EPHA7: variants seen among roughly 807,000 people sequenced by gnomAD.
The protein encoded by EPHA7 is ephrin type-A receptor 7.
In EPHA7, 25 loss-of-function variants were observed where a neutral mutation model predicts 112.6. That is an observed-to-expected ratio of 0.22 (90% confidence interval 0.16 to 0.31). The LOEUF (loss-of-function observed/expected upper bound fraction) is 0.31, where lower values mean the gene tolerates loss of function less well. EPHA7 is among the 10% of genes least tolerant of loss of function. EPHA7 has a pLI of 1.00. For missense variants in EPHA7, 962 were observed against 1,212.6 expected (o/e 0.79, Z 3.07); for synonymous variants, 437 against 406.5 (o/e 1.07, Z -0.90).
chr6:93,419,525 C>A lies in EPHA7; in HGVS notation c.-184G>T, dbSNP rs528811483. On this transcript the variant is annotated 5_prime_UTR_variant, in exon 1 of 17. Coordinates refer to ENST00000369303, the MANE Select transcript of EPHA7 (RefSeq NM_004440.4). ...CCCCCCCACTCCTGTTCGCTCGCAC[C>A]GTGTTTGCTGCCTGCAAGTCTCCGA... 23 of 506,504 alleles carry A rather than the reference C, an allele frequency of 4.5e-5. No homozygotes were observed. Among genetic ancestry groups the A allele is most frequent in the African/African-American group, 3.0e-4 (15 of 50,232 alleles). 31.4% of individuals were successfully genotyped at this position (506,504 alleles called of 1,614,324 possible). A position where few individuals can be genotyped will look rare whatever the true frequency, so the allele number is the denominator to read the frequency against.
chr6:93,272,081 T>A (rs1466703654), intron 6 of EPHA7, among the ~76,000 whole-genome samples: 1 of 151,900 alleles, frequency 6.6e-6, no homozygotes, highest in Non-Finnish European at 1.5e-5. Context: ...AATGGGATAC[T>A]TTCATTTGTG....
intron 5 of EPHA7, among the ~76,000 whole-genome samples, chr6:93,339,548 T>C (rs2127917750): frequency 6.6e-6 from 1 of 151,878 alleles, no homozygotes; most frequent in Middle Eastern, 3.4e-3. Flanking sequence ...GATAAAGAGA[T>C]TGCATTACTT....
Position 93,303,362 on chromosome 6 carries a change from A to G in EPHA7, c.1325-30940T>C, listed in dbSNP as rs578107990. Among the ~76,000 whole-genome samples, 116 of 152,246 alleles carry G rather than the reference A, an allele frequency of 7.6e-4. 1 individual carries two copies. The highest frequency in any genetic ancestry group is 2.7e-3 in the African/African-American group (111 of 41,558). On this transcript the variant is annotated intron_variant, in intron 5 of 16. Coordinates refer to ENST00000369303, the MANE Select transcript of EPHA7 (RefSeq NM_004440.4). ...CCTTACTTCTGTGTTTGCCTGTTTC[A>G]GTCTCGTTCCAGAAGAGTCTAAGAA...
At position 93,371,013 on chromosome 6, in the gene EPHA7, A is replaced by C. The variant is rs375847669; in HGVS notation, c.833-12602T>G. 5.5e-4 allele frequency among the ~76,000 whole-genome samples: 83 copies of C among 151,424 alleles called. 1 individual carries two copies. The East Asian group carries it at 0.01, about 18-fold the overall frequency. On this transcript the variant is annotated intron_variant, in intron 3 of 16. Coordinates refer to ENST00000369303, the MANE Select transcript of EPHA7 (RefSeq NM_004440.4). ...ACAAAAAAAAAAAAAAGAAAAAAAAACTTAGCCAGCCGTGGCGGCGGGAGC... is the reference window on the plus strand; with the variant it reads ...ACAAAAAAAAAAAAAAGAAAAAAAACCTTAGCCAGCCGTGGCGGCGGGAGC...
chr6:93,256,061 C>T (rs1770429386), intron 12 of EPHA7, 24 bp from the exon 13 acceptor site: 1 of 1,604,778 alleles, frequency 6.2e-7, no homozygotes, highest in Admixed American at 1.7e-5. Flanking sequence ...AAAATAAAAG[C>T]CCAGTTAACT....
intron 7 of EPHA7, 52 bp from the exon 8 acceptor site, chr6:93,264,754 G>T: frequency 1.9e-6 from 2 of 1,070,898 alleles, no homozygotes; most frequent in Non-Finnish European, 2.7e-6. Flanking sequence ...GCAAGAACTT[G>T]AAAGGTTAAA....
chr6:93,249,139 C>T (rs1770092642), intron 14 of EPHA7, among the ~76,000 whole-genome samples: 1 of 152,036 alleles, frequency 6.6e-6, no homozygotes, highest in Admixed American at 6.6e-5. Context: ...TAAAATTTTC[C>T]TTTTATGATC....
chr6:93,354,541 G>A (rs1051106856), intron 5 of EPHA7, among the ~76,000 whole-genome samples: 17 of 146,970 alleles, frequency 1.2e-4, no homozygotes, highest in Admixed American at 3.5e-4. Flanking sequence ...TTTAATATAC[G>A]ATTAAGTATT....
chr6:93,333,982 C>A (rs1031285055), intron 5 of EPHA7, among the ~76,000 whole-genome samples: 1 of 151,718 alleles, frequency 6.6e-6, no homozygotes, highest in South Asian at 2.1e-4. Context: ...AGCTGACTTA[C>A]TCAGGACAAT....
In EPHA7 at chr6:93,389,136, A is replaced by G. The variant is rs376259134; in HGVS notation, c.832+21365T>C. On this transcript the variant is annotated intron_variant, in intron 3 of 16. Coordinates refer to ENST00000369303, the MANE Select transcript of EPHA7 (RefSeq NM_004440.4). ...TTCTGTATCATTTCCAGCCACATTT[A>G]CCAAAATACAAACCCAGAAAGCAAT... Among the ~76,000 whole-genome samples the G allele has an allele frequency of 3.9e-5, 6 of 152,152 alleles. No homozygotes were observed. In the East Asian group the frequency reaches 1.2e-3, roughly 29 times the overall value.
intron 3 of EPHA7, among the ~76,000 whole-genome samples, chr6:93,385,159 G>C (rs958279711): frequency 2.6e-5 from 4 of 152,018 alleles, no homozygotes; most frequent in Admixed American, 1.3e-4. Context: ...CTACCCATTT[G>C]CATGTTGTTC....
chr6:93,308,591 G>A (rs955695586), intron 5 of EPHA7, among the ~76,000 whole-genome samples: 1 of 151,996 alleles, frequency 6.6e-6, no homozygotes, highest in Non-Finnish European at 1.5e-5. Flanking sequence ...TCAAAGAAAA[G>A]ATATATTTGA....
intron 5 of EPHA7, among the ~76,000 whole-genome samples, chr6:93,299,748 A>G (rs1427007531): frequency 6.6e-6 from 1 of 152,242 alleles, no homozygotes; most frequent in East Asian, 1.9e-4. Context: ...GAAAGACTGG[A>G]TAAAGAAAAC....
At chr6:93,339,931 A>T (rs1021610919) in intron 5 of EPHA7, among the ~76,000 whole-genome samples, 8 of 151,896 alleles carry the variant, frequency 5.3e-5, no homozygotes, top group African/African-American at 1.9e-4. Context: ...TATATAAGTC[A>T]GATCAATTAT....
chr6:93,258,771 G>T (rs1178741150), intron 10 of EPHA7, among the ~76,000 whole-genome samples: 1 of 150,226 alleles, frequency 6.7e-6, no homozygotes, highest in African/African-American at 2.4e-5. Context: ...TTTTAATTTT[G>T]AGAAGAAAAT....
intron 3 of EPHA7, among the ~76,000 whole-genome samples, chr6:93,374,317 T>G (rs1666339067): frequency 6.6e-6 from 1 of 152,136 alleles, no homozygotes; most frequent in South Asian, 2.1e-4. Context: ...AGAATAGAGA[T>G]ATGAATTTAT....
At chr6:93,368,147 T>C (rs566913815) in intron 3 of EPHA7, among the ~76,000 whole-genome samples, 2 of 152,266 alleles carry the variant, frequency 1.3e-5, no homozygotes, top group Non-Finnish European at 2.9e-5. Context: ...TCAAATGGTA[T>C]GGATAATCAG....
At chr6:93,342,060 T>C (rs542737673) in intron 5 of EPHA7, among the ~76,000 whole-genome samples, 1 of 151,838 alleles carries the variant, frequency 6.6e-6, no homozygotes, top group Non-Finnish European at 1.5e-5. Context: ...AATTGGATAC[T>C]TGGTGAGATT....
chr6:93,409,350 G>A (rs1431800245), intron 3 of EPHA7, among the ~76,000 whole-genome samples: 1 of 151,900 alleles, frequency 6.6e-6, no homozygotes, highest in Non-Finnish European at 1.5e-5. Flanking sequence ...TATTACTAAC[G>A]TAACTGCAAG....
Sources: gnomAD v4.1 joint callset for allele counts (sites outside exome capture counted in the v4.1 genomes callset) on GRCh38, gnomAD v4.1.1 for gene constraint, MANE v1.5 for transcripts, NCBI Gene and HGNC (gene_info 2026-07-23, HGNC 2026-07-21) for gene names.